ZNHIT1: variants seen among roughly 807,000 people sequenced by gnomAD.
The protein encoded by ZNHIT1 is zinc finger HIT-type containing 1, also known as zinc finger HIT domain-containing protein 1.
Under a neutral mutation model 21.4 loss-of-function variants are expected in ZNHIT1, and 20 were observed. The observed-to-expected ratio is 0.93, with a 90% confidence interval of 0.66 to 1.36. The LOEUF (loss-of-function observed/expected upper bound fraction) is 1.36, where lower values mean the gene tolerates loss of function less well. Ranked by LOEUF, ZNHIT1 falls within the 40% of genes most tolerant of loss-of-function variation. The probability of loss-of-function intolerance (pLI) is 0.00; values close to 1 mark genes in which losing one functional copy is unlikely to be tolerated. For synonymous variants in ZNHIT1, 79 were observed against 84.0 expected (o/e 0.94, Z 0.32); for missense variants, 170 against 213.5 (o/e 0.80, Z 1.27).
At chr7:101,218,414 C>T in intron 1 of ZNHIT1, 197 bp downstream of exon 1, 1 of 599,502 alleles carries the variant, frequency 1.7e-6, no homozygotes, top group Non-Finnish European at 2.9e-6. Flanking sequence ...GCTGGAACTG[C>T]AAGCATGAGG....
At chr7:101,223,321 G>T (rs571407100) in intron 2 of ZNHIT1, among the ~76,000 whole-genome samples, 156 bp from the exon 3 acceptor site, 1 of 152,312 alleles carries the variant, frequency 6.6e-6, no homozygotes, top group Admixed American at 6.5e-5. Flanking sequence ...AGGTTGCAGT[G>T]AGTCAAGATC....
rs1798412042 is a variant in ZNHIT1, at chr7:101,223,849, A to G, written c.443+7A>G. The G allele has an allele frequency of 6.2e-7, 1 of 1,613,986 alleles. No homozygotes were observed. The highest frequency in any genetic ancestry group is 2.2e-5 in the East Asian group (1 of 44,864). On this transcript the variant is annotated splice_region_variant and intron_variant, in intron 4 of 4. Coordinates refer to ENST00000305105, the MANE Select transcript of ZNHIT1 (RefSeq NM_006349.3). ...GGACCCACCAGGAGACCAGGTGAGC[A>G]TGAGACCTGCTGTCCACTCCCACTC...
rs1023470992 is a variant in ZNHIT1 at position 101,219,782 on chromosome 7, C to T, written c.22+1565C>T. The stretch of plus-strand genomic sequence containing the variant: ...CAGCCATCAGTTTTTTCATGTTGGC[C>T]TCAAGGTCTGAAATACCCCGCTGTC... On this transcript the variant is annotated intron_variant, in intron 1 of 4. Coordinates refer to ENST00000305105, the MANE Select transcript of ZNHIT1 (RefSeq NM_006349.3). 4 of 152,280 alleles carry T rather than the reference C, an allele frequency of 2.6e-5. No individual in the cohort carries two copies. The East Asian group carries it at 7.7e-4, about 29-fold the overall frequency. The allele number at this position is 152,280 out of a possible 1,614,324, so 9.4% of individuals were successfully genotyped here.
At chr7:101,222,523 C>A in intron 1 of ZNHIT1, 81 bp from the exon 2 acceptor site, 1 of 1,493,598 alleles carries the variant, frequency 6.7e-7, no homozygotes, top group South Asian at 1.3e-5. Context: ...ACCCCGGGTG[C>A]CTTCCTCGCC....
chr7:101,218,945 G>A (rs2116817456), intron 1 of ZNHIT1: 1 of 152,684 alleles, frequency 6.5e-6, no homozygotes, highest in South Asian at 2.1e-4. Context: ...TGCAAAGGCA[G>A]TGAAGCAAGA....
At chr7:101,220,870 G>A (rs1264327565) in intron 1 of ZNHIT1, 3 of 152,260 alleles carry the variant, frequency 2.0e-5, no homozygotes, top group Non-Finnish European at 4.4e-5. Context: ...TTGTGCCTCA[G>A]CCTCCCGCGT....
intron 1 of ZNHIT1, 120 bp from the exon 2 acceptor site, chr7:101,222,484 G>A: frequency 8.3e-7 from 1 of 1,210,226 alleles, no homozygotes; most frequent in Non-Finnish European, 1.1e-6. Flanking sequence ...GCTTGGCAAT[G>A]GGGATGAGAT....
At chr7:101,223,350 C>A in intron 2 of ZNHIT1, 127 bp from the exon 3 acceptor site, 1 of 1,033,480 alleles carries the variant, frequency 9.7e-7, no homozygotes, top group Non-Finnish European at 1.4e-6. Flanking sequence ...GCACTCCAGC[C>A]TGGGTGACAG....
intron 2 of ZNHIT1, 139 bp from the exon 3 acceptor site, chr7:101,223,338 C>A: frequency 1.1e-6 from 1 of 933,832 alleles, no homozygotes; most frequent in Non-Finnish European, 1.7e-6. Flanking sequence ...GATCGCACCA[C>A]TGCACTCCAG....
At chr7:101,223,302 A>G (rs946825759) in intron 2 of ZNHIT1, among the ~76,000 whole-genome samples, 175 bp from the exon 3 acceptor site, 6 of 152,166 alleles carry the variant, frequency 3.9e-5, no homozygotes, top group Admixed American at 2.0e-4. Flanking sequence ...ACTTGAACCC[A>G]GGAGATGGAG....
chr7:101,223,829 C>T lies in ZNHIT1; in HGVS notation c.430C>T (p.His144Tyr). The T allele has an allele frequency of 6.2e-7, 1 of 1,614,108 alleles. No individual in the cohort carries two copies. Among genetic ancestry groups the T allele is most frequent in the South Asian group, 1.1e-5 (1 of 91,090 alleles). The change falls in exon 4 of 5, where the codon CAC (histidine) becomes TAC (tyrosine). Residue 144 changes from histidine (H) to tyrosine (Y), a missense_variant. By Grantham distance (83) the His-to-Tyr change is moderately conservative. Transcript: ENST00000305105. ...RYCTVRCLGT[H>Y]QETRCLKWTV ...CTGCACTGTGCGCTGTCTGGGGACC[C>T]ACCAGGAGACCAGGTGAGCATGAGA...
intron 2 of ZNHIT1, 50 bp from the exon 3 acceptor site, chr7:101,223,427 T>C (rs1457029056): frequency 1.3e-6 from 2 of 1,590,944 alleles, no homozygotes; most frequent in Admixed American, 1.7e-5. Context: ...CAGAGAAAGC[T>C]GCTGTCTTTC....
chr7:101,222,280 A>G (rs1490796104), intron 1 of ZNHIT1: 1 of 324,686 alleles, frequency 3.1e-6, no homozygotes, highest in Non-Finnish European at 5.6e-6. Context: ...AGGGCCCAGG[A>G]CAGCCTGGAA....
At position 101,224,156 on chromosome 7, in the gene ZNHIT1, C is replaced by G. The variant is rs1196837158; in HGVS notation, c.*198C>G. ...CTGTCTGGCAGGTAGGCTGGGCCCC[C>G]CAGTGCTGTTAGAATAAAAAGCCTC... On this transcript the variant is annotated 3_prime_UTR_variant, in exon 5 of 5. Coordinates refer to ENST00000305105, the MANE Select transcript of ZNHIT1 (RefSeq NM_006349.3). 2 of 771,614 alleles carry G rather than the reference C, an allele frequency of 2.6e-6. No homozygotes were observed. Among genetic ancestry groups the G allele is most frequent in the Admixed American group, 2.8e-5 (1 of 35,748 alleles). The allele number at this position is 771,614 out of a possible 1,614,324, so 47.8% of individuals were successfully genotyped here.
chr7:101,223,868 C>T (rs2116825080), intron 4 of ZNHIT1, 26 bp downstream of exon 4: 2 of 1,614,092 alleles, frequency 1.2e-6, no homozygotes, highest in South Asian at 2.2e-5. Flanking sequence ...GCTGTCCACT[C>T]CCACTCCCTC....
In ZNHIT1 at chr7:101,222,782, G is replaced by A. The variant is rs772625870; in HGVS notation, c.193+8G>A. 1.7e-5 allele frequency: 28 copies of A among 1,611,792 alleles called. No homozygotes were observed. The highest frequency in any genetic ancestry group is 1.1e-4 in the African/African-American group (8 of 74,896). On this transcript the variant is annotated splice_region_variant and intron_variant, in intron 2 of 4. Transcript: ENST00000305105. The stretch of plus-strand genomic sequence containing the variant: ...ATGACGATGCGGACACTGGTGAGGC[G>A]GATGGAGGAGGAAGCGGGGGATGGG...
intron 1 of ZNHIT1, 116 bp downstream of exon 1, chr7:101,218,333 G>A: frequency 8.5e-7 from 1 of 1,172,954 alleles, no homozygotes; most frequent in Non-Finnish European, 1.2e-6. Context: ...GAGTGCAGTG[G>A]CATAGTCATA....
At chr7:101,219,573 C>A (rs1343972824) in intron 1 of ZNHIT1, 1 of 152,012 alleles carries the variant, frequency 6.6e-6, no homozygotes, top group Non-Finnish European at 1.5e-5. Context: ...ACTACAGGCG[C>A]CCGCCACCAC....
rs376183663 is a variant in ZNHIT1 at position 101,223,814 on chromosome 7, C to G, written c.415C>G (p.Arg139Gly). The change falls in exon 4 of 5, where the codon CGC becomes GGC. Residue 139 changes from arginine to glycine, a missense_variant. Coordinates refer to ENST00000305105, the MANE Select transcript of ZNHIT1 (RefSeq NM_006349.3). ...CTGCGGTGCCCGGTACTGCACTGTG[C>G]GCTGTCTGGGGACCCACCAGGAGAC... is the stretch of plus-strand genomic sequence containing the variant. ...VSCGARYCTV[R>G]CLGTHQETRC... 6.2e-7 allele frequency: 1 copy of G among 1,614,028 alleles called. No individual in the cohort carries two copies. Among genetic ancestry groups the G allele is most frequent in the African/African-American group, 1.3e-5 (1 of 74,926 alleles).
Sources: gnomAD v4.1 joint callset for allele counts (sites outside exome capture counted in the v4.1 genomes callset) on GRCh38, gnomAD v4.1.1 for gene constraint, MANE v1.5 for transcripts, NCBI Gene and HGNC (gene_info 2026-07-23, HGNC 2026-07-21) for gene names.